The following ODF2 variants were observed in gnomAD, a reference collection of about 807,000 sequenced individuals.
The protein encoded by ODF2 is outer dense fiber of sperm tails 2.
ODF2 carries 47 observed loss-of-function variants against 110.2 expected under a neutral mutation model. The ratio of observed to expected loss-of-function variants is 0.43; its 90% CI spans 0.34 to 0.54. ODF2 has a LOEUF of 0.54. ODF2 is among the 20% of genes least tolerant of loss of function. The pLI is 0.03. For synonymous variants in ODF2, 352 were observed against 397.7 expected, an observed-to-expected ratio of 0.89 and a Z score of 1.37; for missense variants, 812 against 1,054.5, an observed-to-expected ratio of 0.77 and a Z score of 3.19.
At chr9:128,492,258 GGTAAC>G (rs1844757903) in intron 14 of ODF2, among the ~76,000 whole-genome samples, 163 bp from the exon 15 acceptor site, 1 of 151,896 alleles carries the variant, frequency 6.6e-6, no homozygotes, top group African/African-American at 2.4e-5. Context: ...CACTTGAGGT[GGTAAC>G]ATTAGGAGTC....
chr9:128,457,053 G>C lies in ODF2; in HGVS notation c.-208-145G>C, dbSNP rs1196276524. 2.3e-6 allele frequency: 3 copies of C among 1,303,560 alleles called. No homozygotes were observed. The African/African-American group carries it at 4.5e-5, about 20-fold the overall frequency. 80.7% of individuals were successfully genotyped at this position (1,303,560 alleles called of 1,614,324 possible). A position where few individuals can be genotyped will look rare whatever the true frequency, so the allele number is the denominator to read the frequency against. ...TCTCCGCACGTCCGCCGGCGCCTCA[G>C]GTTTCCCCCGGTAGCCACCGGCAGT... On this transcript the variant is annotated intron_variant, in intron 1 of 20. Coordinates refer to ENST00000604420, the Ensembl canonical transcript of ODF2.
chr9:128,465,512 GC>G (rs1308629015), intron 4 of ODF2, among the ~76,000 whole-genome samples: 1 of 152,134 alleles, frequency 6.6e-6, no homozygotes, highest in Non-Finnish European at 1.5e-5. Flanking sequence ...GGAGGCCAAG[GC>G]AGGCGGATCA....
intron 5 of ODF2, 161 bp downstream of exon 5, chr9:128,469,514 G>A (rs1588797919): frequency 1.5e-6 from 1 of 683,190 alleles, no homozygotes; most frequent in East Asian, 2.6e-5. Context: ...GGTAGCTGGG[G>A]CAGCATGGGA....
At chr9:128,471,609 A>T in intron 6 of ODF2, 141 bp downstream of exon 6, 1 of 680,614 alleles carries the variant, frequency 1.5e-6, no homozygotes, top group Non-Finnish European at 2.5e-6. Context: ...ACAGTCACAC[A>T]ATTAATTACA....
In ODF2 at chr9:128,467,744, C is replaced by CAAAAAA. The variant is rs5900797; in HGVS notation, c.250-1426_250-1421dup. Among the ~76,000 whole-genome samples, 2 of 117,890 alleles carry CAAAAAA rather than the reference C, an allele frequency of 1.7e-5. 1 individual carries two copies. Among genetic ancestry groups the CAAAAAA allele is most frequent in the African/African-American group, 6.6e-5 (2 of 30,174 alleles). 77.3% of individuals were successfully genotyped at this position (117,890 alleles called of 152,430 possible). ...TAGGCGATGGAGTGAGACCCTGTCT[C>CAAAAAA]AAAAAAAAAAAAAAAAAAGCAAAGT... On this transcript the variant is annotated intron_variant, in intron 4 of 20. Transcript: ENST00000604420.
chr9:128,492,839 C>A, intron 16 of ODF2, 34 bp downstream of exon 16: 1 of 1,548,744 alleles, frequency 6.5e-7, no homozygotes, highest in Non-Finnish European at 8.9e-7. Context: ...CTTCTCCTAC[C>A]CAATTCCATA....
rs548601576 is a variant in ODF2, at chr9:128,463,405, G to A, written c.249+2338G>A. 5.3e-5 allele frequency among the ~76,000 whole-genome samples: 8 copies of A among 152,282 alleles called. No homozygotes were observed. The East Asian group carries it at 1.5e-3, about 29-fold the overall frequency. ...AGGCCAAAGCAGGAGGATCACTTGA[G>A]CCCAGGAGTTCAAGACCAGCCTGGG... is the stretch of plus-strand genomic sequence containing the variant. On this transcript the variant is annotated intron_variant, in intron 4 of 20. Transcript: ENST00000604420.
In ODF2 at chr9:128,460,932, C is replaced by CT. The variant is rs1183699884; in HGVS notation, c.124-7dup. On this transcript the variant is annotated splice_polypyrimidine_tract_variant and intron_variant, in intron 3 of 20. Transcript: ENST00000604420. ...TGTGGAAGTGACCCTGGGTTTGTCC[C>CT]TTTCCACAGAAATCTCACAAGCGAG... 3 of 1,614,156 alleles carry CT rather than the reference C, an allele frequency of 1.9e-6. No individual in the cohort carries two copies. In the South Asian group the frequency reaches 3.3e-5, roughly 18 times the overall value.
In ODF2 at chr9:128,477,314, C is replaced by T. The variant is rs555397734; in HGVS notation, c.843+3573C>T. ...CTGTAATTCCCACACTCTGGGAGGC[C>T]GAGGTGGGAGAATTGCTTGAGGCCA... On this transcript the variant is annotated intron_variant, in intron 8 of 20. Coordinates refer to ENST00000604420, the Ensembl canonical transcript of ODF2. Among the ~76,000 whole-genome samples the T allele has an allele frequency of 2.0e-5, 3 of 151,644 alleles. No individual in the cohort carries two copies. The South Asian group carries it at 6.3e-4, about 32-fold the overall frequency.
intron 6 of ODF2, among the ~76,000 whole-genome samples, chr9:128,471,854 G>A (rs1401936604): frequency 6.6e-6 from 1 of 152,174 alleles, no homozygotes; most frequent in Non-Finnish European, 1.5e-5. Flanking sequence ...GCTGAGAAAT[G>A]GAAGGCAGGC....
intron 1 of ODF2, chr9:128,456,802 T>A (rs1386989433): frequency 4.0e-6 from 4 of 990,702 alleles, no homozygotes; most frequent in East Asian, 6.8e-5. Context: ...GCGTCTATCC[T>A]GCTCAGAACT....
chr9:128,457,309 C>T, exon 2 of ODF2: 1 of 1,608,838 alleles, frequency 6.2e-7, no homozygotes, highest in South Asian at 1.1e-5. Context: ...TGATGCCGGG[C>T]CCCTTGAGAG....
chr9:128,474,966 A>G (rs1389860273), intron 8 of ODF2, among the ~76,000 whole-genome samples: 1 of 148,756 alleles, frequency 6.7e-6, no homozygotes, highest in Non-Finnish European at 1.5e-5. Context: ...CTTTGTCTGA[A>G]AAAAAAAAAA....
At chr9:128,481,467 ACT>A (rs1325009540) in intron 8 of ODF2, 111 bp from the exon 9 acceptor site, 2 of 734,554 alleles carry the variant, frequency 2.7e-6, no homozygotes. Flanking sequence ...ACAGAGTAAG[ACT>A]CTAAAAAAAA....
At chr9:128,469,811 C>T (rs2131693344) in intron 5 of ODF2, among the ~76,000 whole-genome samples, 1 of 149,442 alleles carries the variant, frequency 6.7e-6, no homozygotes, top group South Asian at 2.1e-4. Flanking sequence ...ACGGTGAAAC[C>T]CTGTCTCTAC....
At chr9:128,470,689 TCTC>T (rs1839771589) in intron 5 of ODF2, among the ~76,000 whole-genome samples, 1 of 151,384 alleles carries the variant, frequency 6.6e-6, no homozygotes, top group Non-Finnish European at 1.5e-5. Context: ...TTGTGACATC[TCTC>T]CTCCTATGGT....
At chr9:128,496,220 G>A in intron 18 of ODF2, 79 bp downstream of exon 18, 1 of 1,596,586 alleles carries the variant, frequency 6.3e-7, no homozygotes, top group Non-Finnish European at 8.5e-7. Flanking sequence ...TTTGCTTAGT[G>A]TGCGGAAGTG....
intron 8 of ODF2, among the ~76,000 whole-genome samples, chr9:128,474,108 A>G (rs1015199406): frequency 1.3e-5 from 2 of 152,166 alleles, no homozygotes; most frequent in Non-Finnish European, 2.9e-5. Flanking sequence ...TTTTCTTAAA[A>G]TATGTTCTCT....
intron 4 of ODF2, among the ~76,000 whole-genome samples, chr9:128,465,999 G>T (rs1837771487): frequency 6.6e-6 from 1 of 151,384 alleles, no homozygotes; most frequent in Non-Finnish European, 1.5e-5. Flanking sequence ...AATTACCCTG[G>T]CGTGGTGGTC....
Sources: gnomAD v4.1 joint callset for allele counts (sites outside exome capture counted in the v4.1 genomes callset) on GRCh38, gnomAD v4.1.1 for gene constraint, MANE v1.5 for transcripts, NCBI Gene and HGNC (gene_info 2026-07-23, HGNC 2026-07-21) for gene names.